PATJ: variants seen among roughly 807,000 people sequenced by gnomAD.
PATJ encodes inaD-like protein.
Under a neutral mutation model 224.9 loss-of-function variants are expected in PATJ, and 190 were observed. That is an observed-to-expected ratio of 0.84 (90% CI 0.75 to 0.95). The LOEUF (loss-of-function observed/expected upper bound fraction) is 0.95. PATJ is among the 40% of genes least tolerant of loss of function. PATJ has a pLI of 0.00. For synonymous variants in PATJ, 769 were observed against 820.3 expected (o/e 0.94, Z 1.07); for missense variants, 2,121 against 2,270.3 (o/e 0.93, Z 1.34).
At chr1:61,945,632 A>G (rs1224326442) in intron 27 of PATJ, among the ~76,000 whole-genome samples, 8 of 152,068 alleles carry the variant, frequency 5.3e-5, no homozygotes, top group Non-Finnish European at 1.2e-4. Context: ...TAATAGTGGG[A>G]GACTTTAACA....
chr1:61,844,731 G>A (rs1275615012), intron 17 of PATJ, among the ~76,000 whole-genome samples: 1 of 152,114 alleles, frequency 6.6e-6, no homozygotes, highest in Non-Finnish European at 1.5e-5. Context: ...GAGGGACCTG[G>A]TGGGAGGTAA....
intron 29 of PATJ, among the ~76,000 whole-genome samples, chr1:62,025,682 G>A (rs1352011542): frequency 6.6e-6 from 1 of 152,182 alleles, no homozygotes; most frequent in African/African-American, 2.4e-5. Context: ...AATTAGCTGG[G>A]CATGGCGACA....
intron 41 of PATJ, among the ~76,000 whole-genome samples, chr1:62,133,132 A>G (rs1666434068): frequency 6.6e-6 from 1 of 152,188 alleles, no homozygotes; most frequent in African/African-American, 2.4e-5. Flanking sequence ...GTACATTTCA[A>G]AATAGGCATA....
intron 24 of PATJ, 38 bp downstream of exon 24, chr1:61,901,497 A>G: frequency 7.2e-7 from 1 of 1,383,284 alleles, no homozygotes. Context: ...TTGGAAACAT[A>G]CGGTAAGACA....
At position 62,128,894 on chromosome 1, in the gene PATJ, C is replaced by G. The variant is rs113629200; in HGVS notation, c.5220C>G (p.His1740Gln). The G allele has an allele frequency of 6.2e-7, 1 of 1,613,564 alleles. No individual in the cohort carries two copies. Among genetic ancestry groups the G allele is most frequent in the Non-Finnish European group, 8.5e-7 (1 of 1,179,552 alleles). Residue 1740 changes from histidine (H) to glutamine (Q), a missense_variant, in exon 41 of 44, where the codon CAC (histidine) becomes CAG (glutamine). By Grantham distance (24) the His-to-Gln change is conservative (BLOSUM62 0). Transcript: ENST00000642238. ...INGQPLDGLS[H>Q]ADVVNLLKNA... Reference sequence around the variant, plus strand: ...GGCAACCTTTGGATGGGCTGTCTCACGCGGATGTGGTTAATCTGCTGAAGA... The same window carrying G: ...GGCAACCTTTGGATGGGCTGTCTCAGGCGGATGTGGTTAATCTGCTGAAGA...
intron 33 of PATJ, among the ~76,000 whole-genome samples, chr1:62,087,250 G>T: frequency 6.6e-6 from 1 of 151,950 alleles, no homozygotes. Context: ...AGTCCAGCTG[G>T]CTCTTCTCTA....
chr1:62,047,887 C>T (rs1652843738), intron 30 of PATJ, among the ~76,000 whole-genome samples: 1 of 152,134 alleles, frequency 6.6e-6, no homozygotes, highest in African/African-American at 2.4e-5. Context: ...AATCCTAAGA[C>T]ATGTTTTAGA....
rs145688444 is a variant in PATJ at position 62,083,149 on chromosome 1, G to A, written c.4244-1366G>A. Among the ~76,000 whole-genome samples the A allele has an allele frequency of 3.0e-3, 459 of 152,140 alleles. 1 individual carries two copies. The highest frequency in any genetic ancestry group is 0.014 in the Middle Eastern group (4 of 294). ...GTTGTTGTTGTTGCCATTTTGAGAC[G>A]GAGTTTCACTCTTCTTGGCCAGGCT... is the stretch of plus-strand genomic sequence containing the variant. On this transcript the variant is annotated intron_variant, in intron 32 of 43. Coordinates refer to ENST00000642238, the MANE Select transcript of PATJ (RefSeq NM_001350145.3).
chr1:62,030,483 C>A (rs901775259), intron 29 of PATJ, among the ~76,000 whole-genome samples: 1 of 152,134 alleles, frequency 6.6e-6, no homozygotes, highest in Non-Finnish European at 1.5e-5. Flanking sequence ...TCCAAGCCAA[C>A]ATAGTTGTCT....
intron 41 of PATJ, among the ~76,000 whole-genome samples, 163 bp from the exon 42 acceptor site, chr1:62,148,121 T>TAAAAAAAAAA (rs59697245): frequency 3.4e-5 from 4 of 118,452 alleles, no homozygotes; most frequent in Non-Finnish European, 7.0e-5. Flanking sequence ...ACACTGTCTT[T>TAAAAAAAAAA]AAAAAAAAAA....
chr1:61,810,165 A>G (rs1225644416), intron 14 of PATJ, among the ~76,000 whole-genome samples: 2 of 151,942 alleles, frequency 1.3e-5, no homozygotes, highest in Non-Finnish European at 2.9e-5. Context: ...TGAATTTTCA[A>G]GGCTGACACT....
chr1:62,147,217 A>AT (rs1668127470), intron 41 of PATJ, among the ~76,000 whole-genome samples: 1 of 152,116 alleles, frequency 6.6e-6, no homozygotes, highest in South Asian at 2.1e-4. Context: ...GGATGGGATA[A>AT]TATGTTTAAT....
intron 30 of PATJ, chr1:62,038,893 A>G: frequency 1.2e-6 from 1 of 864,342 alleles, no homozygotes; most frequent in Non-Finnish European, 2.0e-6. Flanking sequence ...GAATCCCTCC[A>G]TTGTTGGAGT....
At chr1:61,828,401 GT>G (rs34139565) in intron 16 of PATJ, among the ~76,000 whole-genome samples, 77,058 of 140,948 alleles carry the variant, frequency 0.55, 21,265 homozygotes, top group East Asian at 0.76. Flanking sequence ...TATGAAAAGA[GT>G]TTTTTTTTTT....
In PATJ at chr1:62,148,268, T is replaced by C. The variant is rs1668274666; in HGVS notation, c.5272-16T>C. On this transcript the variant is annotated splice_polypyrimidine_tract_variant and intron_variant, in intron 41 of 43. Transcript: ENST00000642238. ...CTTCTTTATAATGAAATACCTTTTT[T>C]TCACTTTTTCCCCAGGTTGTAGCAG... The C allele has an allele frequency of 1.3e-6, 2 of 1,585,496 alleles. No individual in the cohort carries two copies. The highest frequency in any genetic ancestry group is 2.7e-5 in the African/African-American group (2 of 74,468).
chr1:61,891,024 ACT>A (rs764508835), intron 22 of PATJ, among the ~76,000 whole-genome samples: 10 of 151,568 alleles, frequency 6.6e-5, no homozygotes, highest in Non-Finnish European at 1.2e-4. Context: ...TTATTAAAAG[ACT>A]CAAGGAGGTT....
intron 31 of PATJ, among the ~76,000 whole-genome samples, chr1:62,055,390 T>G (rs1470201828): frequency 6.6e-6 from 1 of 152,216 alleles, no homozygotes; most frequent in East Asian, 1.9e-4. Context: ...TGAAGTGGTA[T>G]AATTAAATTA....
chr1:62,129,282 T>C (rs1055701011), intron 41 of PATJ, among the ~76,000 whole-genome samples: 7 of 152,204 alleles, frequency 4.6e-5, no homozygotes, highest in African/African-American at 1.7e-4. Context: ...CAAAGACTGT[T>C]ACTGAACTGC....
At chr1:62,157,185 A>T (rs898444999) in intron 43 of PATJ, among the ~76,000 whole-genome samples, 15 of 151,744 alleles carry the variant, frequency 9.9e-5, no homozygotes, top group Non-Finnish European at 2.1e-4. Flanking sequence ...TTAGCTGGGC[A>T]TAGTGGCAGG....
Sources: allele counts gnomAD v4.1 joint callset (sites outside exome capture counted in the v4.1 genomes callset), GRCh38; gene constraint gnomAD v4.1.1; transcripts MANE v1.5; gene names NCBI Gene and HGNC (gene_info 2026-07-23, HGNC 2026-07-21).